Variants in BRINP3 observed in about 807,000 individuals in gnomAD.
BRINP3 encodes BMP/retinoic acid-inducible neural-specific protein 3.
In BRINP3, 19 loss-of-function variants were observed where a neutral mutation model predicts 71.0. The observed-to-expected ratio is 0.27, with a 90% confidence interval of 0.19 to 0.39. The LOEUF is 0.39. Ranked by LOEUF, BRINP3 falls within the 10% of genes least tolerant of loss-of-function variation. The pLI, the probability that BRINP3 is intolerant of heterozygous loss-of-function variation, is 1.00. For missense variants in BRINP3, 959 were observed against 940.8 expected (o/e 1.02, Z -0.25); for synonymous variants, 380 against 337.7 (o/e 1.13, Z -1.37).
intron 2 of BRINP3, among the ~76,000 whole-genome samples, chr1:190,302,511 A>G (rs2103001655): frequency 6.6e-6 from 1 of 151,786 alleles, no homozygotes; most frequent in South Asian, 2.1e-4. Context: ...TTAATTTTGG[A>G]TTTGTATGAA....
chr1:190,298,788 T>C (rs1664447148), intron 2 of BRINP3, among the ~76,000 whole-genome samples: 1 of 152,132 alleles, frequency 6.6e-6, no homozygotes, highest in Non-Finnish European at 1.5e-5. Context: ...TGCATTTGGT[T>C]AAAGAGTTCT....
At chr1:190,292,708 T>A (rs1401144258) in intron 2 of BRINP3, among the ~76,000 whole-genome samples, 2 of 152,138 alleles carry the variant, frequency 1.3e-5, no homozygotes, top group Non-Finnish European at 2.9e-5. Flanking sequence ...GAAATTTTGG[T>A]ACTTCTTTAA....
chr1:190,392,746 C>A (rs922912421), intron 2 of BRINP3, among the ~76,000 whole-genome samples: 5 of 151,518 alleles, frequency 3.3e-5, no homozygotes, highest in African/African-American at 7.3e-5. Context: ...GTTCCACTGG[C>A]ATTCTATAAA....
intron 2 of BRINP3, among the ~76,000 whole-genome samples, chr1:190,330,678 C>A (rs527574907): frequency 9.9e-5 from 15 of 152,174 alleles, no homozygotes; most frequent in Non-Finnish European, 1.8e-4. Flanking sequence ...GACACATGCA[C>A]TCACATGTTC....
rs145681354 is a variant in BRINP3 at position 190,403,258 on chromosome 1, T to C, written c.236+51397A>G. Among the ~76,000 whole-genome samples, 8 of 152,322 alleles carry C rather than the reference T, an allele frequency of 5.3e-5. No individual in the cohort carries two copies. In the East Asian group the frequency reaches 1.4e-3, roughly 26 times the overall value. On this transcript the variant is annotated intron_variant, in intron 2 of 7. Transcript: ENST00000367462. Reference sequence around the variant, plus strand: ...ATAAAGAAATGAAGTGAACAACCTATAATATAACTTGATATGTGTCAAATT... The same window carrying C: ...ATAAAGAAATGAAGTGAACAACCTACAATATAACTTGATATGTGTCAAATT...
intron 2 of BRINP3, among the ~76,000 whole-genome samples, chr1:190,391,754 C>G (rs1167147664): frequency 1.3e-5 from 2 of 151,672 alleles, no homozygotes; most frequent in East Asian, 3.9e-4. Flanking sequence ...TATACTGAAT[C>G]GACCGATGTT....
intron 6 of BRINP3, among the ~76,000 whole-genome samples, chr1:190,213,497 T>C (rs1355697653): frequency 6.6e-6 from 1 of 152,056 alleles, no homozygotes; most frequent in African/African-American, 2.4e-5. Flanking sequence ...TGAGAGACTA[T>C]GAATCAGGTA....
intron 2 of BRINP3, among the ~76,000 whole-genome samples, chr1:190,315,263 G>A (rs1486303439): frequency 6.6e-6 from 1 of 152,098 alleles, no homozygotes; most frequent in African/African-American, 2.4e-5. Flanking sequence ...TTGAGAAACA[G>A]TGATGTTTGA....
chr1:190,114,416 A>G (rs1338714769), intron 7 of BRINP3, among the ~76,000 whole-genome samples: 1 of 152,120 alleles, frequency 6.6e-6, no homozygotes, highest in East Asian at 1.9e-4. Context: ...GTACCTATAA[A>G]TTAGATTATA....
At chr1:190,327,463 A>G (rs1187565156) in intron 2 of BRINP3, among the ~76,000 whole-genome samples, 2 of 145,520 alleles carry the variant, frequency 1.4e-5, no homozygotes, top group East Asian at 4.1e-4. Flanking sequence ...AAAGTTGGAG[A>G]GAGATCAAGG....
At chr1:190,388,357 A>G (rs1277198631) in intron 2 of BRINP3, among the ~76,000 whole-genome samples, 1 of 151,812 alleles carries the variant, frequency 6.6e-6, no homozygotes, top group Non-Finnish European at 1.5e-5. Context: ...CAAGCCCAGT[A>G]CCTATGACTG....
At chr1:190,442,726 C>T (rs1674911918) in intron 2 of BRINP3, among the ~76,000 whole-genome samples, 1 of 148,106 alleles carries the variant, frequency 6.8e-6, no homozygotes, top group Non-Finnish European at 1.5e-5. Context: ...GTATTTTCTT[C>T]ATGCCTGTGC....
At chr1:190,112,748 A>G (rs1652799395) in intron 7 of BRINP3, among the ~76,000 whole-genome samples, 1 of 152,126 alleles carries the variant, frequency 6.6e-6, no homozygotes, top group Admixed American at 6.5e-5. Context: ...AAATGATCTG[A>G]AGCTCAGCAT....
intron 6 of BRINP3, among the ~76,000 whole-genome samples, chr1:190,211,522 C>T (rs929383441): frequency 3.3e-5 from 5 of 152,068 alleles, no homozygotes; most frequent in African/African-American, 1.2e-4. Flanking sequence ...TCATTCATCA[C>T]TCAATCAGGA....
At chr1:190,398,657 C>G (rs1034246787) in intron 2 of BRINP3, among the ~76,000 whole-genome samples, 9 of 151,898 alleles carry the variant, frequency 5.9e-5, no homozygotes, top group African/African-American at 1.9e-4. Flanking sequence ...AAAACTATAA[C>G]ATAGCTCAAA....
intron 1 of BRINP3, among the ~76,000 whole-genome samples, chr1:190,472,869 G>A (rs1431309430): frequency 6.6e-6 from 1 of 150,494 alleles, no homozygotes; most frequent in Non-Finnish European, 1.5e-5. Context: ...TCCTACTTAG[G>A]TTTTATTTAC....
At chr1:190,404,618 A>T (rs1672141754) in intron 2 of BRINP3, among the ~76,000 whole-genome samples, 1 of 152,188 alleles carries the variant, frequency 6.6e-6, no homozygotes, top group Admixed American at 6.5e-5. Flanking sequence ...AAAGCACTTT[A>T]AAGTTTTCTA....
At chr1:190,280,055 C>A (rs1376978682) in intron 3 of BRINP3, among the ~76,000 whole-genome samples, 1 of 151,708 alleles carries the variant, frequency 6.6e-6, no homozygotes, top group Non-Finnish European at 1.5e-5. Context: ...GCAAGAACTA[C>A]AGATAATAAA....
intron 2 of BRINP3, among the ~76,000 whole-genome samples, chr1:190,410,931 C>A (rs1458408186): frequency 1.3e-5 from 2 of 151,762 alleles, no homozygotes; most frequent in Non-Finnish European, 2.9e-5. Context: ...ATTAAAATCC[C>A]AACAGTTTTT....
Sources: allele counts gnomAD v4.1 joint callset (sites outside exome capture counted in the v4.1 genomes callset), GRCh38; gene constraint gnomAD v4.1.1; transcripts MANE v1.5; gene names NCBI Gene and HGNC (gene_info 2026-07-23, HGNC 2026-07-21).